PDHX: variants seen among roughly 807,000 people sequenced by gnomAD.
PDHX encodes the protein pyruvate dehydrogenase protein X component, mitochondrial.
PDHX carries 33 observed loss-of-function variants against 55.3 expected under a neutral mutation model. The ratio of observed to expected loss-of-function variants is 0.60; its 90% CI spans 0.45 to 0.80. The LOEUF (loss-of-function observed/expected upper bound fraction) is 0.80. Ranked by LOEUF, PDHX falls within the 30% of genes least tolerant of loss-of-function variation. The pLI is 0.00. For synonymous variants in PDHX, 226 were observed against 219.4 expected (o/e 1.03, Z -0.27); for missense variants, 622 against 619.9 (o/e 1.00, Z -0.04).
rs939322416 is a variant in PDHX, at chr11:34,953,889, C to G, written c.343-3495C>G. Among the ~76,000 whole-genome samples, 4 of 152,156 alleles carry G rather than the reference C, an allele frequency of 2.6e-5. No individual in the cohort carries two copies. In the East Asian group the frequency reaches 5.8e-4, roughly 22 times the overall value. Reference sequence around the variant, plus strand: ...GAGTTAATGCTGTGCTGGAACAGTGCTTGGCACTTGAAAGCCAGACAACTG... The same window carrying G: ...GAGTTAATGCTGTGCTGGAACAGTGGTTGGCACTTGAAAGCCAGACAACTG... On this transcript the variant is annotated intron_variant, in intron 3 of 10. Transcript: ENST00000227868.
intron 9 of PDHX, among the ~76,000 whole-genome samples, chr11:34,989,318 C>G (rs949371678): frequency 2.0e-5 from 3 of 152,178 alleles, no homozygotes; most frequent in Admixed American, 6.5e-5. Context: ...TTTCAGGCAC[C>G]TACTGTGGGT....
At chr11:34,938,223 A>T (rs1854382884) in intron 2 of PDHX, among the ~76,000 whole-genome samples, 1 of 152,228 alleles carries the variant, frequency 6.6e-6, no homozygotes, top group African/African-American at 2.4e-5. Context: ...AGAAGTTGAC[A>T]TATGAAGGGT....
chr11:34,993,229 A>T (rs1855791886), intron 10 of PDHX, among the ~76,000 whole-genome samples: 1 of 151,756 alleles, frequency 6.6e-6, no homozygotes, highest in Admixed American at 6.6e-5. Flanking sequence ...TGTTTCAAAT[A>T]GCTTTCACAC....
At chr11:34,937,553 A>G (rs1468325158) in intron 2 of PDHX, among the ~76,000 whole-genome samples, 1 of 152,076 alleles carries the variant, frequency 6.6e-6, no homozygotes, top group African/African-American at 2.4e-5. Flanking sequence ...GAGGCATTCA[A>G]GGGAAGGTGT....
rs911687604 is a variant in PDHX, at chr11:34,916,750, C to T, written c.95C>T (p.Ala32Val). The T allele has an allele frequency of 3.1e-6, 5 of 1,612,680 alleles. No homozygotes were observed. Among genetic ancestry groups the T allele is most frequent in the Non-Finnish European group, 4.2e-6 (5 of 1,179,570 alleles). The change falls in exon 1 of 11, where the codon GCT (alanine) becomes GTT (valine). Residue 32 changes from alanine (A) to valine (V), a missense_variant. Physicochemically the swap from Ala to Val is moderately conservative, Grantham distance 64. Transcript: ENST00000227868. ...GRRSVGLVKGALGWSVSRGAN... is the reference protein window; with the variant it reads ...GRRSVGLVKGVLGWSVSRGAN... ...CGAAGCGTAGGGCTGGTGAAGGGGG[C>T]TCTTGGGTGGTCTGTAAGCCGCGGA...
At chr11:34,982,000 G>A (rs1472804199) in intron 8 of PDHX, among the ~76,000 whole-genome samples, 3 of 152,126 alleles carry the variant, frequency 2.0e-5, no homozygotes, top group Admixed American at 6.5e-5. Flanking sequence ...AAGCTCTTTA[G>A]TTTAATGAGA....
Position 34,995,246 on chromosome 11 carries a change from A to G in PDHX, c.*74A>G. 6.7e-7 allele frequency: 1 copy of G among 1,498,318 alleles called. No homozygotes were observed. Among genetic ancestry groups the G allele is most frequent in the Non-Finnish European group, 9.3e-7 (1 of 1,077,638 alleles). The allele number at this position is 1,498,318 out of a possible 1,614,324, so 92.8% of individuals were successfully genotyped here. Reference sequence around the variant, plus strand: ...TTACCAAGAAACATATGTTATAGGAAAACAACTTGGTATTTAAGTATGAAG... The same window carrying G: ...TTACCAAGAAACATATGTTATAGGAGAACAACTTGGTATTTAAGTATGAAG... On this transcript the variant is annotated 3_prime_UTR_variant, in exon 11 of 11. Coordinates refer to ENST00000227868, the MANE Select transcript of PDHX (RefSeq NM_003477.3).
intron 3 of PDHX, among the ~76,000 whole-genome samples, chr11:34,955,454 A>G (rs1854883299): frequency 6.6e-6 from 1 of 152,218 alleles, no homozygotes; most frequent in Admixed American, 6.5e-5. Flanking sequence ...AAATGGAATT[A>G]TAATCAACTG....
chr11:34,983,689 A>G (rs11600718), intron 8 of PDHX, among the ~76,000 whole-genome samples: 23,911 of 152,010 alleles, frequency 0.16, 2,522 homozygotes, highest in Non-Finnish European at 0.24. Context: ...TTCAAAGAGA[A>G]TAAAATACCT....
At chr11:34,977,841 A>G (rs1855412376) in intron 7 of PDHX, 1 of 503,072 alleles carries the variant, frequency 2.0e-6, no homozygotes, top group Non-Finnish European at 3.9e-6. Context: ...TATGCTTGTA[A>G]TGGGTCCTTC....
At chr11:34,965,751 T>G (rs1326871904) in intron 5 of PDHX, among the ~76,000 whole-genome samples, 2 of 152,204 alleles carry the variant, frequency 1.3e-5, no homozygotes, top group Non-Finnish European at 2.9e-5. Context: ...CATCAAATTT[T>G]TGGAAAAATA....
chr11:34,965,060 C>T (rs540262166), intron 5 of PDHX, among the ~76,000 whole-genome samples: 9 of 152,260 alleles, frequency 5.9e-5, no homozygotes, highest in African/African-American at 1.7e-4. Flanking sequence ...AACTTACCAG[C>T]TTAAAATAAT....
At chr11:34,968,809 T>G (rs959568915) in intron 6 of PDHX, among the ~76,000 whole-genome samples, 5 of 152,232 alleles carry the variant, frequency 3.3e-5, no homozygotes, top group African/African-American at 1.2e-4. Flanking sequence ...TTAACTCCAC[T>G]GTGTTTAGAG....
At chr11:34,985,955 C>A (rs111867093) in intron 9 of PDHX, among the ~76,000 whole-genome samples, 7,170 of 152,042 alleles carry the variant, frequency 0.047, 539 homozygotes, top group African/African-American at 0.16. Context: ...GTCTTTCTTC[C>A]CTCCTCTTTG....
chr11:34,954,901 A>G (rs988123196), intron 3 of PDHX, among the ~76,000 whole-genome samples: 5 of 152,204 alleles, frequency 3.3e-5, no homozygotes, highest in African/African-American at 9.6e-5. Flanking sequence ...TACTAAGGTC[A>G]CATAACTAGT....
upstream of PDHX, chr11:34,916,427 C>G: frequency 7.4e-6 from 11 of 1,487,540 alleles, no homozygotes; most frequent in Non-Finnish European, 9.8e-6. Flanking sequence ...GGGCGGGGGC[C>G]GGGGTCTGGT....
At chr11:34,934,198 C>A (rs1352003622) in intron 2 of PDHX, among the ~76,000 whole-genome samples, 1 of 152,104 alleles carries the variant, frequency 6.6e-6, no homozygotes, top group Non-Finnish European at 1.5e-5. Flanking sequence ...CTGCTAACAT[C>A]ACAAAAAGAG....
At chr11:34,991,285 A>G (rs1289972141) in intron 9 of PDHX, among the ~76,000 whole-genome samples, 3 of 152,286 alleles carry the variant, frequency 2.0e-5, no homozygotes, top group African/African-American at 4.8e-5. Flanking sequence ...AAAGAAGTCT[A>G]TTCTCTAGGG....
In PDHX at chr11:34,960,605, C is replaced by T. The variant is rs561155746; in HGVS notation, c.641+87C>T. 5 of 770,900 alleles carry T rather than the reference C, an allele frequency of 6.5e-6. No individual in the cohort carries two copies. The South Asian group carries it at 7.8e-5, about 12-fold the overall frequency. 47.8% of individuals were successfully genotyped at this position (770,900 alleles called of 1,614,324 possible). A position where few individuals can be genotyped will look rare whatever the true frequency, so the allele number is the denominator to read the frequency against. On this transcript the variant is annotated intron_variant, in intron 5 of 10. Coordinates refer to ENST00000227868, the MANE Select transcript of PDHX (RefSeq NM_003477.3). ...AGAAAATAAAAAGAGCTTATTCAGT[C>T]TTAAGATTTAAAAGGAGGTACACTG...
Sources: allele counts gnomAD v4.1 joint callset (sites outside exome capture counted in the v4.1 genomes callset), GRCh38; gene constraint gnomAD v4.1.1; transcripts MANE v1.5; gene names NCBI Gene and HGNC (gene_info 2026-07-23, HGNC 2026-07-21).